The following CCNY variants were observed in gnomAD, a reference collection of about 807,000 sequenced individuals.
The protein encoded by CCNY is cyclin-Y.
A neutral mutation model predicts 42.8 loss-of-function variants in CCNY; 19 were observed. The observed-to-expected ratio is 0.44, with a 90% CI of 0.31 to 0.65. The LOEUF (loss-of-function observed/expected upper bound fraction) is 0.65, where lower values mean the gene tolerates loss of function less well. Ranked by LOEUF, CCNY falls within the 30% of genes least tolerant of loss-of-function variation. The probability of loss-of-function intolerance (pLI) is 0.07; values close to 1 mark genes in which losing one functional copy is unlikely to be tolerated. For synonymous variants in CCNY, 165 were observed against 162.7 expected (o/e 1.01, Z -0.11); for missense variants, 370 against 437.3 (o/e 0.85, Z 1.37).
At chr10:35,374,048 A>C (rs181929196) in intron 1 of CCNY, among the ~76,000 whole-genome samples, 1 of 152,096 alleles carries the variant, frequency 6.6e-6, no homozygotes, top group Non-Finnish European at 1.5e-5. Context: ...TAAGGTGTTC[A>C]TAACATTTAT....
At chr10:35,544,561 A>T (rs576262800) in intron 7 of CCNY, among the ~76,000 whole-genome samples, 1 of 152,210 alleles carries the variant, frequency 6.6e-6, no homozygotes, top group Admixed American at 6.5e-5. Context: ...ACGTATGACT[A>T]TACTTCCAAG....
chr10:35,317,917 G>A (rs2135092559), intron 3 of CCNY, among the ~76,000 whole-genome samples: 1 of 152,312 alleles, frequency 6.6e-6, no homozygotes, highest in South Asian at 2.1e-4. Context: ...ACACATACAT[G>A]CAGGGCTAAG....
chr10:35,300,989 G>T (rs779282022), intron 3 of CCNY, among the ~76,000 whole-genome samples: 22 of 152,070 alleles, frequency 1.4e-4, no homozygotes, highest in Admixed American at 1.0e-3. Flanking sequence ...TATATTTTTA[G>T]TAGAGACGAG....
intron 1 of CCNY, among the ~76,000 whole-genome samples, chr10:35,406,201 TTTTATTTATTTATTTA>T (rs34172154): frequency 1.9e-4 from 24 of 124,394 alleles, no homozygotes; most frequent in East Asian, 6.6e-4. Context: ...TTCTTTTTTA[TTTTATTTATTTATTTA>T]TTTATTTATT....
intron 3 of CCNY, among the ~76,000 whole-genome samples, chr10:35,290,564 G>C (rs1835402531): frequency 6.6e-6 from 1 of 152,068 alleles, no homozygotes; most frequent in Non-Finnish European, 1.5e-5. Context: ...AGACAATTGA[G>C]ATAAAATTCA....
At chr10:35,562,607 A>G (rs1338152354) in intron 8 of CCNY, among the ~76,000 whole-genome samples, 1 of 152,074 alleles carries the variant, frequency 6.6e-6, no homozygotes, top group African/African-American at 2.4e-5. Context: ...CTTGCCAATA[A>G]TGTCCTCAGG....
intron 3 of CCNY, among the ~76,000 whole-genome samples, chr10:35,296,376 T>C (rs1231377370): frequency 6.6e-6 from 1 of 152,136 alleles, no homozygotes; most frequent in African/African-American, 2.4e-5. Flanking sequence ...AGCCAGGAGT[T>C]TGAGACCAGC....
chr10:35,485,740 CAA>C (rs78533663), intron 2 of CCNY, among the ~76,000 whole-genome samples: 1 of 114,636 alleles, frequency 8.7e-6, no homozygotes. Context: ...AAAAAAAAAA[CAA>C]AAAAAAAAAA....
chr10:35,312,739 CCTTTTTA>C (rs1347061295), intron 3 of CCNY, among the ~76,000 whole-genome samples: 4 of 140,708 alleles, frequency 2.8e-5, no homozygotes, highest in Non-Finnish European at 6.1e-5. Flanking sequence ...ATAGAGTATT[CCTTTTTA>C]CTTTTTTTTT....
chr10:35,475,842 G>C (rs1261432569), intron 1 of CCNY, among the ~76,000 whole-genome samples: 4 of 151,062 alleles, frequency 2.6e-5, no homozygotes, highest in African/African-American at 9.8e-5. Flanking sequence ...ACACAGACTG[G>C]CAAATTGGAT....
At chr10:35,416,159 CCGTG>C (rs1449244621) in intron 1 of CCNY, among the ~76,000 whole-genome samples, 9 of 119,832 alleles carry the variant, frequency 7.5e-5, no homozygotes, top group African/African-American at 3.3e-4. Flanking sequence ...CTTGTGGCAC[CCGTG>C]TGTGTGTGTG....
intron 3 of CCNY, among the ~76,000 whole-genome samples, chr10:35,504,718 C>T (rs1589164850): frequency 6.6e-6 from 1 of 152,242 alleles, no homozygotes; most frequent in South Asian, 2.1e-4. Context: ...CTCACTGCAA[C>T]CTCCCCAACC....
chr10:35,410,777 T>C (rs1837886248), intron 1 of CCNY, among the ~76,000 whole-genome samples: 1 of 152,196 alleles, frequency 6.6e-6, no homozygotes, highest in Non-Finnish European at 1.5e-5. Flanking sequence ...TCAAACTGCA[T>C]CTGCATCAGT....
chr10:35,347,806 A>C (rs1373477459), intron 1 of CCNY, among the ~76,000 whole-genome samples: 1 of 152,164 alleles, frequency 6.6e-6, no homozygotes, highest in Non-Finnish European at 1.5e-5. Context: ...TATTCCAGTT[A>C]GTGCAATGAT....
At chr10:35,298,726 T>C (rs560238342) in intron 3 of CCNY, among the ~76,000 whole-genome samples, 13 of 152,178 alleles carry the variant, frequency 8.5e-5, no homozygotes, top group Non-Finnish European at 1.6e-4. Context: ...TTTCACTATG[T>C]TGCTCAGGTT....
intron 2 of CCNY, among the ~76,000 whole-genome samples, chr10:35,488,801 T>A (rs1474178040): frequency 6.6e-6 from 1 of 152,234 alleles, no homozygotes; most frequent in Non-Finnish European, 1.5e-5. Flanking sequence ...CCAGAGTGAT[T>A]TGATACCCAC....
chr10:35,509,048 G>A (rs1031334021), intron 3 of CCNY, among the ~76,000 whole-genome samples: 2 of 152,128 alleles, frequency 1.3e-5, no homozygotes, highest in African/African-American at 2.4e-5. Context: ...GTTCATCCGT[G>A]TATCTCAGTA....
intron 2 of CCNY, among the ~76,000 whole-genome samples, chr10:35,497,576 A>G (rs1416127383): frequency 6.6e-6 from 1 of 152,046 alleles, no homozygotes; most frequent in African/African-American, 2.4e-5. Flanking sequence ...TGTCTCTACT[A>G]AAAAATACAA....
At position 35,307,934 on chromosome 10, in the gene CCNY, C is replaced by T. The variant is rs576415711; in HGVS notation, c.-9+57308C>T. On this transcript the variant is annotated intron_variant, in intron 3 of 11. Transcript: ENST00000374706. ...CCGGGTTCAAGTGATTCTCCTGCCT[C>T]AGCCTCCTGACTAGCTGGGATTACA... Among the ~76,000 whole-genome samples, 18 of 151,122 alleles carry T rather than the reference C, an allele frequency of 1.2e-4. No homozygotes were observed. In the South Asian group the frequency reaches 3.4e-3, roughly 28 times the overall value.
Sources: gnomAD v4.1 joint callset for allele counts (sites outside exome capture counted in the v4.1 genomes callset) on GRCh38, gnomAD v4.1.1 for gene constraint, MANE v1.5 for transcripts, NCBI Gene and HGNC (gene_info 2026-07-23, HGNC 2026-07-21) for gene names.